PTPRD: variants seen among roughly 807,000 people sequenced by gnomAD.
PTPRD encodes protein tyrosine phosphatase receptor type D.
Under a neutral mutation model 214.5 loss-of-function variants are expected in PTPRD, and 34 were observed. That is an observed-to-expected ratio of 0.16 (90% CI 0.12 to 0.21). The LOEUF (loss-of-function observed/expected upper bound fraction) is 0.21, where lower values mean the gene tolerates loss of function less well. Among genes scored for constraint, PTPRD ranks in the 10% least tolerant of loss-of-function variants. PTPRD has a pLI of 1.00. For synonymous variants in PTPRD, 1,128 were observed against 845.7 expected (o/e 1.33, Z -5.79); for missense variants, 2,545 against 2,398.7 (o/e 1.06, Z -1.27).
chr9:10,055,490 A>T (rs1358326145), intron 3 of PTPRD, among the ~76,000 whole-genome samples: 1 of 152,098 alleles, frequency 6.6e-6, no homozygotes, highest in African/African-American at 2.4e-5. Context: ...TGGAAACTCA[A>T]AATAGCTTTC....
chr9:9,574,965 T>C (rs1367430317), intron 7 of PTPRD, among the ~76,000 whole-genome samples, 184 bp from the exon 8 acceptor site: 1 of 152,176 alleles, frequency 6.6e-6, no homozygotes, highest in Non-Finnish European at 1.5e-5. Flanking sequence ...TTACTCATCT[T>C]ACATCAAAGT....
At chr9:10,277,966 G>C (rs1346480384) in intron 3 of PTPRD, among the ~76,000 whole-genome samples, 1 of 152,026 alleles carries the variant, frequency 6.6e-6, no homozygotes, top group Non-Finnish European at 1.5e-5. Context: ...AGACCATCGT[G>C]GCTAACGAGG....
chr9:9,079,917 C>CAG (rs2099756628), intron 10 of PTPRD, among the ~76,000 whole-genome samples: 1 of 151,972 alleles, frequency 6.6e-6, no homozygotes, highest in African/African-American at 2.4e-5. Flanking sequence ...TAAGGGTGCC[C>CAG]TTAGTTTCTA....
rs150190644 is a variant in PTPRD at position 8,315,270 on chromosome 9, G to GATAAA, written c.*2603_*2604insTTTAT. On this transcript the variant is annotated 3_prime_UTR_variant, in exon 46 of 46. Transcript: ENST00000381196. Reference sequence around the variant, plus strand: ...AATAGTCTCCGCCTCGTTCGTCTATGGTATGCATCCCATTCATTTTCTTCT... The same window carrying GATAAA: ...AATAGTCTCCGCCTCGTTCGTCTATGATAAAGTATGCATCCCATTCATTTTCTTCT... 737 of 232,674 alleles carry GATAAA rather than the reference G, an allele frequency of 3.2e-3. 7 individuals are homozygous for GATAAA. Among genetic ancestry groups the GATAAA allele is most frequent in the African/African-American group, 0.015 (679 of 45,362 alleles). 14.4% of individuals were successfully genotyped at this position (232,674 alleles called of 1,614,324 possible). A position where few individuals can be genotyped will look rare whatever the true frequency, so the allele number is the denominator to read the frequency against.
intron 2 of PTPRD, among the ~76,000 whole-genome samples, chr9:10,494,931 G>A (rs911889028): frequency 6.6e-6 from 1 of 151,494 alleles, no homozygotes; most frequent in Non-Finnish European, 1.5e-5. Flanking sequence ...TACAGATTTG[G>A]TAATCAAATG....
At chr9:10,502,540 A>C (rs936629561) in intron 2 of PTPRD, among the ~76,000 whole-genome samples, 7 of 152,086 alleles carry the variant, frequency 4.6e-5, no homozygotes, top group African/African-American at 1.7e-4. Flanking sequence ...TGTTCTCATA[A>C]GTTCTGCCAG....
chr9:10,383,994 C>G (rs996953669), intron 2 of PTPRD, among the ~76,000 whole-genome samples: 6 of 145,928 alleles, frequency 4.1e-5, no homozygotes, highest in African/African-American at 1.5e-4. Context: ...CACATGAAGA[C>G]AGAGAGGAGA....
chr9:8,628,359 A>G (rs1401623026), intron 14 of PTPRD, among the ~76,000 whole-genome samples: 1 of 151,844 alleles, frequency 6.6e-6, no homozygotes, highest in Non-Finnish European at 1.5e-5. Flanking sequence ...CAACTGCCAT[A>G]ATGGCTTACA....
At chr9:8,636,907 A>T (rs1595796411) in intron 12 of PTPRD, 63 bp from the exon 13 acceptor site, 1 of 1,530,338 alleles carries the variant, frequency 6.5e-7, no homozygotes, top group Non-Finnish European at 9.0e-7. Context: ...TTATCCTACT[A>T]CCGCTGCTCT....
chr9:8,794,972 C>T (rs1177544532), intron 11 of PTPRD, among the ~76,000 whole-genome samples: 2 of 150,986 alleles, frequency 1.3e-5, no homozygotes, highest in East Asian at 4.0e-4. Context: ...TATTTGGAAC[C>T]CAATTTTAAA....
intron 8 of PTPRD, among the ~76,000 whole-genome samples, chr9:9,514,945 T>C (rs888170081): frequency 6.6e-6 from 1 of 152,138 alleles, no homozygotes; most frequent in African/African-American, 2.4e-5. Context: ...AATCAGGGGC[T>C]GATTTGAGGA....
chr9:10,023,664 T>G (rs1015957552), intron 4 of PTPRD, among the ~76,000 whole-genome samples: 3 of 151,942 alleles, frequency 2.0e-5, no homozygotes, highest in African/African-American at 4.8e-5. Context: ...TACAGAATTA[T>G]GGGAAATTTT....
chr9:10,305,674 C>A (rs1249283511), intron 3 of PTPRD, among the ~76,000 whole-genome samples: 2 of 152,100 alleles, frequency 1.3e-5, no homozygotes, highest in African/African-American at 4.8e-5. Flanking sequence ...AGAAAAGAAG[C>A]TCATCATCAC....
intron 11 of PTPRD, among the ~76,000 whole-genome samples, chr9:8,850,337 G>C (rs1028481391): frequency 2.0e-5 from 3 of 151,996 alleles, no homozygotes; most frequent in Non-Finnish European, 4.4e-5. Context: ...CACCTGAAAG[G>C]GGATATAGAT....
chr9:10,061,845 T>C (rs897103399), intron 3 of PTPRD, among the ~76,000 whole-genome samples: 7 of 152,138 alleles, frequency 4.6e-5, no homozygotes, highest in Non-Finnish European at 7.4e-5. Flanking sequence ...TTTATACCAG[T>C]GGTTCTAACA....
intron 8 of PTPRD, among the ~76,000 whole-genome samples, chr9:9,474,105 G>T (rs2094837458): frequency 6.6e-6 from 1 of 152,002 alleles, no homozygotes; most frequent in African/African-American, 2.4e-5. Flanking sequence ...CTTAGTTTAA[G>T]TCTTTATGCA....
intron 8 of PTPRD, among the ~76,000 whole-genome samples, chr9:9,509,240 C>A (rs992411959): frequency 1.3e-5 from 2 of 151,194 alleles, no homozygotes; most frequent in African/African-American, 2.4e-5. Flanking sequence ...GGGAAAAAAA[C>A]CCATGTAATT....
chr9:9,608,275 A>G (rs1326130519), intron 7 of PTPRD, among the ~76,000 whole-genome samples: 3 of 152,204 alleles, frequency 2.0e-5, no homozygotes, highest in Non-Finnish European at 4.4e-5. Context: ...GCATTACATT[A>G]GTATCATTTT....
intron 8 of PTPRD, among the ~76,000 whole-genome samples, chr9:9,521,501 C>G (rs535115301): frequency 6.6e-6 from 1 of 152,114 alleles, no homozygotes; most frequent in Non-Finnish European, 1.5e-5. Flanking sequence ...TGGAAGAAAC[C>G]TTACTGTTCT....
Sources: gnomAD v4.1 joint callset for allele counts (sites outside exome capture counted in the v4.1 genomes callset) on GRCh38, gnomAD v4.1.1 for gene constraint, MANE v1.5 for transcripts, NCBI Gene and HGNC (gene_info 2026-07-23, HGNC 2026-07-21) for gene names.